The following TRPM3 variants were observed in gnomAD, a reference collection of about 807,000 sequenced individuals.
The protein encoded by TRPM3 is long transient receptor potential channel 3.
TRPM3 carries 77 observed loss-of-function variants against 181.2 expected under a neutral mutation model. That is an observed-to-expected ratio of 0.42 (90% CI 0.35 to 0.51). The LOEUF is 0.51. Among genes scored for constraint, TRPM3 ranks in the 20% least tolerant of loss-of-function variants. The pLI, the probability that TRPM3 is intolerant of heterozygous loss-of-function variation, is 0.01. For missense variants in TRPM3, 1,759 were observed against 2,196.7 expected (o/e 0.80, Z 3.98); for synonymous variants, 745 against 796.4 (o/e 0.94, Z 1.09).
rs2041444559 is a variant in TRPM3 at position 70,535,139 on chromosome 9, C to T, written c.*814G>A. ...TAAAAAATATAAAATTATTTAATTA[C>T]ATTCTCCTGAGCTTGCTCGACTAGA... On this transcript the variant is annotated 3_prime_UTR_variant, in exon 26 of 26. Coordinates refer to ENST00000677713, the MANE Select transcript of TRPM3 (RefSeq NM_001366145.2). 1 of 261,004 alleles carries T rather than the reference C, an allele frequency of 3.8e-6. No homozygotes were observed. The highest frequency in any genetic ancestry group is 7.1e-6 in the Non-Finnish European group (1 of 140,736). The allele number at this position is 261,004 out of a possible 1,614,324, so 16.2% of individuals were successfully genotyped here.
rs1174380907 is a variant in TRPM3 at position 70,625,067 on chromosome 9, G to A, written c.1809+124C>T. On this transcript the variant is annotated intron_variant, in intron 14 of 25. Coordinates refer to ENST00000677713, the MANE Select transcript of TRPM3 (RefSeq NM_001366145.2). The surrounding 1 kb of genome is among the most constrained non-coding windows in gnomAD (Gnocchi z 4.8). ...TGAATTTCATTACTTTTCTTTGATT[G>A]TTTAGGTTCACTCTCAGCGCAATTT... The A allele has an allele frequency of 1.9e-6, 2 of 1,041,194 alleles. No individual in the cohort carries two copies. The highest frequency in any genetic ancestry group is 3.2e-5 in the African/African-American group (2 of 61,836). 64.5% of individuals were successfully genotyped at this position (1,041,194 alleles called of 1,614,324 possible).
chr9:70,926,008 A>C lies in TRPM3; in HGVS notation c.178-61497T>G, dbSNP rs868628440. 5.2e-3 allele frequency among the ~76,000 whole-genome samples: 792 copies of C among 151,950 alleles called. 9 individuals carry two copies. Among genetic ancestry groups the C allele is most frequent in the African/African-American group, 0.017 (711 of 41,510 alleles). The stretch of plus-strand genomic sequence containing the variant: ...TTGGCTTGGGAAAACAAAAAAAAAA[A>C]AAACAAACAAAAGCCACCTTTAAAA... On this transcript the variant is annotated intron_variant, in intron 1 of 25. Coordinates refer to ENST00000677713, the MANE Select transcript of TRPM3 (RefSeq NM_001366145.2).
chr9:71,097,576 C>T (rs2067544890), intron 1 of TRPM3, among the ~76,000 whole-genome samples: 1 of 151,670 alleles, frequency 6.6e-6, no homozygotes. Context: ...TCATTGGCAC[C>T]AGTGAATTTC....
intron 1 of TRPM3, among the ~76,000 whole-genome samples, chr9:70,907,927 T>C (rs919093877): frequency 1.3e-5 from 2 of 152,266 alleles, no homozygotes; most frequent in African/African-American, 4.8e-5. Context: ...TGTGTATATG[T>C]ACCACAGATT....
chr9:70,644,191 G>A (rs575727754), intron 9 of TRPM3, among the ~76,000 whole-genome samples: 5 of 152,162 alleles, frequency 3.3e-5, no homozygotes, highest in Non-Finnish European at 5.9e-5. Flanking sequence ...TGGTGGTGGG[G>A]AAGTACTCGG....
intron 1 of TRPM3, among the ~76,000 whole-genome samples, chr9:70,896,830 T>A (rs1434958468): frequency 2.7e-5 from 4 of 145,796 alleles, no homozygotes; most frequent in Admixed American, 2.1e-4. Context: ...AACCAGGAGA[T>A]TTATGCCTTA....
At chr9:70,914,750 G>A (rs758806946) in intron 1 of TRPM3, among the ~76,000 whole-genome samples, 4 of 152,138 alleles carry the variant, frequency 2.6e-5, no homozygotes, top group Non-Finnish European at 2.9e-5. Flanking sequence ...GACTCAGAAC[G>A]GAGAAAGAGA....
chr9:70,829,918 G>C (rs1470661633), intron 5 of TRPM3, among the ~76,000 whole-genome samples: 1 of 152,202 alleles, frequency 6.6e-6, no homozygotes, highest in Non-Finnish European at 1.5e-5. Flanking sequence ...CAGAGTGCAA[G>C]TTAATAAATA....
chr9:71,338,127 C>T (rs11794714), intron 1 of TRPM3, among the ~76,000 whole-genome samples: 2,006 of 151,830 alleles, frequency 0.013, 40 homozygotes, highest in African/African-American at 0.044. Flanking sequence ...ACTTTGGCAG[C>T]GCTGCTCACT....
intron 1 of TRPM3, among the ~76,000 whole-genome samples, chr9:71,012,733 A>G (rs1401612971): frequency 3.3e-5 from 5 of 151,742 alleles, no homozygotes; most frequent in Non-Finnish European, 5.9e-5. Context: ...TACTTTTTAT[A>G]TATTTATTTT....
intron 6 of TRPM3, among the ~76,000 whole-genome samples, chr9:70,796,279 C>T (rs920571341): frequency 1.3e-5 from 2 of 152,172 alleles, no homozygotes; most frequent in Admixed American, 1.3e-4. Context: ...CAGAAAAGAC[C>T]TGGCCCATGT....
intron 1 of TRPM3, among the ~76,000 whole-genome samples, chr9:71,089,788 C>T (rs572298419): frequency 2.4e-4 from 37 of 152,124 alleles, no homozygotes; most frequent in Admixed American, 2.4e-3. Flanking sequence ...CCTGAGCATC[C>T]TAGTGTTTGC....
At chr9:71,231,792 G>A (rs796874923) in intron 1 of TRPM3, among the ~76,000 whole-genome samples, 11 of 152,268 alleles carry the variant, frequency 7.2e-5, no homozygotes, top group African/African-American at 2.6e-4. Context: ...GGGGAGGATG[G>A]TAAGCGGGTT....
chr9:70,677,759 C>A (rs1345909799), intron 9 of TRPM3, among the ~76,000 whole-genome samples: 1 of 152,120 alleles, frequency 6.6e-6, no homozygotes, highest in East Asian at 1.9e-4. Flanking sequence ...ATTTGTTATG[C>A]TTTTCTCTTG....
chr9:71,283,822 ACAAGT>A (rs1166965838), intron 1 of TRPM3, among the ~76,000 whole-genome samples: 2 of 152,222 alleles, frequency 1.3e-5, no homozygotes, highest in Non-Finnish European at 2.9e-5. Flanking sequence ...GTTTCAAATT[ACAAGT>A]CAAGTGCCCT....
chr9:70,620,227 G>T lies in TRPM3; in HGVS notation c.1978C>A (p.Arg660=), dbSNP rs1393783876. 1 of 1,614,206 alleles carries T rather than the reference G, an allele frequency of 6.2e-7. No homozygotes were observed. Among genetic ancestry groups the T allele is most frequent in the Admixed American group, 1.7e-5 (1 of 60,018 alleles). The part of the protein sequence containing the change: ...ELMVWAVLMK[R]QKMALFFWQH... Reference sequence around the variant, plus strand: ...CAGAAGAACAGGGCCATCTTCTGCCGCTTCATGAGAACAGCCCACACCATG... The same window carrying T: ...CAGAAGAACAGGGCCATCTTCTGCCTCTTCATGAGAACAGCCCACACCATG... The change falls in exon 16 of 26, where the codon CGG becomes AGG. Residue 660 remains arginine (R), a synonymous_variant. Transcript: ENST00000677713.
At chr9:70,570,784 C>T (rs144280501) in intron 22 of TRPM3, among the ~76,000 whole-genome samples, 5 of 152,090 alleles carry the variant, frequency 3.3e-5, no homozygotes, top group Admixed American at 1.3e-4. Flanking sequence ...GAATGGCCAC[C>T]GAATCATTTG....
At chr9:70,539,508 A>G (rs2042704061) in intron 25 of TRPM3, among the ~76,000 whole-genome samples, 1 of 141,314 alleles carries the variant, frequency 7.1e-6, no homozygotes, top group South Asian at 2.2e-4. Flanking sequence ...CTGCTGCCCC[A>G]TAACCAACCC....
At chr9:71,050,282 C>T (rs1362373566) in intron 1 of TRPM3, among the ~76,000 whole-genome samples, 2 of 152,026 alleles carry the variant, frequency 1.3e-5, no homozygotes, top group Non-Finnish European at 2.9e-5. Flanking sequence ...ATAAAATGTA[C>T]CAATTATTTA....
Sources: gnomAD v4.1 joint callset for allele counts (sites outside exome capture counted in the v4.1 genomes callset) on GRCh38, gnomAD v4.1.1 for gene constraint, Gnocchi (gnomAD v3.1) non-coding constraint, MANE v1.5 for transcripts, NCBI Gene and HGNC (gene_info 2026-07-23, HGNC 2026-07-21) for gene names.